ASPRV1: variants seen among roughly 807,000 people sequenced by gnomAD.
ASPRV1 encodes retroviral-like aspartic protease 1.
In ASPRV1, 7 loss-of-function variants were observed where a neutral mutation model predicts 11.0. The observed-to-expected ratio is 0.64, with a 90% CI of 0.36 to 1.20. The LOEUF is 1.20. Ranked by LOEUF, ASPRV1 falls within the 50% of genes most tolerant of loss-of-function variation. The pLI, the probability that ASPRV1 is intolerant of heterozygous loss-of-function variation, is 0.02. For synonymous variants in ASPRV1, 136 were observed against 138.4 expected, an observed-to-expected ratio of 0.98 and a Z score of 0.12; for missense variants, 299 against 320.0, an observed-to-expected ratio of 0.93 and a Z score of 0.50.
chr2:70,009,675 T>G, the ASPRV1 span, among the ~76,000 whole-genome samples: 1 of 152,104 alleles, frequency 6.6e-6, no homozygotes, highest in Non-Finnish European at 1.5e-5. Flanking sequence ...ATCCTTTGCC[T>G]CCAGGGGGAC....
At chr2:70,026,258 C>T in the ASPRV1 span, among the ~76,000 whole-genome samples, 1 of 151,672 alleles carries the variant, frequency 6.6e-6, no homozygotes, top group African/African-American at 2.4e-5. Flanking sequence ...GCCTGGAAAA[C>T]AAGAGTGAAA....
downstream of ASPRV1, among the ~76,000 whole-genome samples, chr2:69,955,382 C>T (rs1172608889): frequency 6.6e-6 from 1 of 152,356 alleles, no homozygotes; most frequent in East Asian, 1.9e-4. Flanking sequence ...CCCTGCACAC[C>T]TGGGAGACCT....
the ASPRV1 span, among the ~76,000 whole-genome samples, chr2:70,010,319 C>T: frequency 6.6e-6 from 1 of 152,088 alleles, no homozygotes; most frequent in African/African-American, 2.4e-5. Flanking sequence ...GCCACAAAGT[C>T]TACAGGGGAG....
Position 69,960,701 on chromosome 2 carries a change from C to T in ASPRV1, c.736G>A (p.Glu246Lys), listed in dbSNP as rs969839798. 2 of 1,614,108 alleles carry T rather than the reference C, an allele frequency of 1.2e-6. No homozygotes were observed. Among genetic ancestry groups the T allele is most frequent in the Non-Finnish European group, 1.7e-6 (2 of 1,180,032 alleles). ...CGCCCTTCTTCTGAGGAGGGGTCCTCCTCTATGAGCTCCAGGTCAAACTCA... is the reference window on the plus strand; with the variant it reads ...CGCCCTTCTTCTGAGGAGGGGTCCTTCTCTATGAGCTCCAGGTCAAACTCA... The part of the protein sequence containing the change: ...EDEFDLELIE[E>K]DPSSEEGRQE... Residue 246 changes from glutamate (E) to lysine (K), a missense_variant, in exon 1 of 1, where the codon GAG (glutamate) becomes AAG (lysine). Glu to Lys is a moderately conservative substitution (Grantham distance 56, BLOSUM62 1). Transcript: ENST00000320256.
the ASPRV1 span, among the ~76,000 whole-genome samples, chr2:70,080,213 G>C: frequency 6.8e-6 from 1 of 147,452 alleles, no homozygotes; most frequent in Non-Finnish European, 1.5e-5. Flanking sequence ...AAAGGAGTAG[G>C]CTGTGCCCTG....
the ASPRV1 span, chr2:70,075,416 C>T: frequency 6.7e-6 from 1 of 149,164 alleles, no homozygotes; most frequent in South Asian, 2.1e-4. Context: ...CCCTGCTCTA[C>T]TACTTATTAA....
the ASPRV1 span, among the ~76,000 whole-genome samples, chr2:69,983,766 C>T: frequency 6.6e-6 from 1 of 152,194 alleles, no homozygotes; most frequent in Non-Finnish European, 1.5e-5. Flanking sequence ...CCAGCAACTT[C>T]TGCTTCCCTT....
chr2:69,933,207 AAAAAAAAAAAAAAAAAAC>A, the ASPRV1 span, among the ~76,000 whole-genome samples: 4 of 147,984 alleles, frequency 2.7e-5, no homozygotes, highest in African/African-American at 5.1e-5. Context: ...TCTCAAAAAA[AAAAAAAAAAAAAAAAAAC>A]AAAAAAAGAA....
chr2:69,998,637 G>A, the ASPRV1 span, among the ~76,000 whole-genome samples: 1 of 151,934 alleles, frequency 6.6e-6, no homozygotes, highest in Non-Finnish European at 1.5e-5. Context: ...GCTGAGGCAG[G>A]AGAATGGCGT....
the ASPRV1 span, chr2:69,941,370 G>C: frequency 6.6e-6 from 1 of 152,212 alleles, no homozygotes; most frequent in African/African-American, 2.4e-5. Context: ...CAGAGATCTT[G>C]AATTCTTCAA....
the ASPRV1 span, among the ~76,000 whole-genome samples, chr2:70,061,995 T>G: frequency 1.4e-5 from 2 of 145,810 alleles, no homozygotes; most frequent in African/African-American, 5.1e-5. Flanking sequence ...ATAGATATCA[T>G]AGATATCTTT....
the ASPRV1 span, among the ~76,000 whole-genome samples, chr2:70,059,225 T>C: frequency 5.9e-5 from 9 of 151,292 alleles, no homozygotes; most frequent in East Asian, 1.9e-4. Flanking sequence ...CCTCTTTCAC[T>C]TCAGTGTCTC....
the ASPRV1 span, among the ~76,000 whole-genome samples, chr2:70,075,493 T>C: frequency 6.6e-6 from 1 of 152,056 alleles, no homozygotes; most frequent in African/African-American, 2.4e-5. Flanking sequence ...AGAGTCACCA[T>C]GAGGTTATTT....
At chr2:70,054,849 A>C in the ASPRV1 span, among the ~76,000 whole-genome samples, 1 of 152,158 alleles carries the variant, frequency 6.6e-6, no homozygotes, top group East Asian at 1.9e-4. Flanking sequence ...GATCATTCAC[A>C]AGACAAAAAA....
chr2:69,938,222 T>G, the ASPRV1 span: 1 of 1,614,160 alleles, frequency 6.2e-7, no homozygotes, highest in South Asian at 1.1e-5. Context: ...TGAGGGCTAT[T>G]CCAGCACCAG....
chr2:70,013,763 C>T, the ASPRV1 span, among the ~76,000 whole-genome samples: 1 of 152,260 alleles, frequency 6.6e-6, no homozygotes, highest in South Asian at 2.1e-4. Flanking sequence ...CACCTGTAAT[C>T]CCAGCTACTC....
the ASPRV1 span, among the ~76,000 whole-genome samples, chr2:70,040,527 T>C: frequency 1.4e-4 from 22 of 152,144 alleles, no homozygotes; most frequent in Middle Eastern, 3.2e-3. Context: ...TCCACAGTTA[T>C]AAGCCAATTA....
chr2:69,947,873 T>C, the ASPRV1 span, among the ~76,000 whole-genome samples: 1 of 152,266 alleles, frequency 6.6e-6, no homozygotes, highest in South Asian at 2.1e-4. Flanking sequence ...CCTTTGGGGA[T>C]ATCCGCAGAG....
chr2:70,035,012 A>C, the ASPRV1 span: 1 of 152,302 alleles, frequency 6.6e-6, no homozygotes, highest in Non-Finnish European at 1.5e-5. Flanking sequence ...AGGGCTAAAA[A>C]TCACAAATGG....
Sources: gnomAD v4.1 joint callset for allele counts (sites outside exome capture counted in the v4.1 genomes callset) on GRCh38, gnomAD v4.1.1 for gene constraint, MANE v1.5 for transcripts, NCBI Gene and HGNC (gene_info 2026-07-23, HGNC 2026-07-21) for gene names.